The following ANO6 variants were observed in gnomAD, a reference collection of about 807,000 sequenced individuals.
The protein encoded by ANO6 is anoctamin-6.
In ANO6, 106 loss-of-function variants were observed where a neutral mutation model predicts 117.5. That is an observed-to-expected ratio of 0.90 (90% CI 0.77 to 1.06). ANO6 has a LOEUF of 1.06. Ranked by LOEUF, ANO6 falls within the 50% of genes least tolerant of loss-of-function variation. ANO6 has a pLI of 0.00. For missense variants in ANO6, 955 were observed against 1,121.1 expected, an observed-to-expected ratio of 0.85 and a Z score of 2.12; for synonymous variants, 367 against 385.1, an observed-to-expected ratio of 0.95 and a Z score of 0.55.
At chr12:45,291,878 A>G (rs1939112844) in intron 1 of ANO6, among the ~76,000 whole-genome samples, 1 of 152,176 alleles carries the variant, frequency 6.6e-6, no homozygotes, top group South Asian at 2.1e-4. Flanking sequence ...GGGACTGTAA[A>G]ATGGTGCAGG....
chr12:45,326,304 G>C (rs974910887), intron 2 of ANO6, among the ~76,000 whole-genome samples: 3 of 152,128 alleles, frequency 2.0e-5, no homozygotes, highest in African/African-American at 7.2e-5. Context: ...AAAATAACAA[G>C]TTCAGGACTA....
chr12:45,362,809 A>T, intron 8 of ANO6, among the ~76,000 whole-genome samples: 1 of 152,162 alleles, frequency 6.6e-6, no homozygotes. Flanking sequence ...TTTGGTACAG[A>T]TCTGTTCCTT....
At chr12:45,367,597 G>T (rs1593021064) in intron 8 of ANO6, 91 bp from the exon 9 acceptor site, 2 of 964,334 alleles carry the variant, frequency 2.1e-6, no homozygotes, top group East Asian at 2.6e-5. Context: ...TACAAGATCG[G>T]TTTAGTTTTG....
chr12:45,264,761 A>G (rs1938160314), intron 1 of ANO6, among the ~76,000 whole-genome samples: 1 of 152,212 alleles, frequency 6.6e-6, no homozygotes, highest in South Asian at 2.1e-4. Flanking sequence ...GTTTTGTATT[A>G]GACAAAGTGC....
rs114852477 is a variant in ANO6, at chr12:45,251,346, G to A, written c.70+34955G>A. Among the ~76,000 whole-genome samples the A allele has an allele frequency of 6.3e-3, 960 of 152,300 alleles. 7 individuals carry two copies. Among genetic ancestry groups the A allele is most frequent in the African/African-American group, 0.021 (882 of 41,548 alleles). On this transcript the variant is annotated intron_variant, in intron 1 of 19. Coordinates refer to ENST00000320560, the MANE Select transcript of ANO6 (RefSeq NM_001025356.3). ...ATGGCAAACTATACTAGAGCTTAGCGAATTAAGGCAACAGCCATTTTATTA... is the reference window on the plus strand; with the variant it reads ...ATGGCAAACTATACTAGAGCTTAGCAAATTAAGGCAACAGCCATTTTATTA...
chr12:45,426,315 C>A (rs1454314041), intron 19 of ANO6, among the ~76,000 whole-genome samples: 1 of 152,208 alleles, frequency 6.6e-6, no homozygotes, highest in African/African-American at 2.4e-5. Context: ...ACAGCATCAA[C>A]CTTTGTCGCT....
At chr12:45,292,526 T>A (rs1410594674) in intron 1 of ANO6, 1 of 442,478 alleles carries the variant, frequency 2.3e-6, no homozygotes, top group Non-Finnish European at 3.0e-6. Flanking sequence ...ACTAATGAAT[T>A]CACAGTGAAT....
rs529314144 is a variant in ANO6 at position 45,351,155 on chromosome 12, G to A, written c.863+381G>A. 7.9e-5 allele frequency among the ~76,000 whole-genome samples: 12 copies of A among 152,308 alleles called. No homozygotes were observed. The East Asian group carries it at 2.1e-3, about 27-fold the overall frequency. On this transcript the variant is annotated intron_variant, in intron 7 of 19. Transcript: ENST00000320560. Reference sequence around the variant, plus strand: ...TCAGGCGTAGTCCTAGGGTCCCACTGTGAATAAAAAGGCACTCCTATCTCT... The same window carrying A: ...TCAGGCGTAGTCCTAGGGTCCCACTATGAATAAAAAGGCACTCCTATCTCT...
At chr12:45,260,286 C>T (rs557773004) in intron 1 of ANO6, among the ~76,000 whole-genome samples, 1 of 152,322 alleles carries the variant, frequency 6.6e-6, no homozygotes, top group Admixed American at 6.5e-5. Flanking sequence ...CAGCTTCTTT[C>T]CTCCTTTGCC....
chr12:45,247,051 G>A (rs987215955), intron 1 of ANO6, among the ~76,000 whole-genome samples: 7 of 151,870 alleles, frequency 4.6e-5, no homozygotes, highest in Non-Finnish European at 8.8e-5. Flanking sequence ...TCACCCTCCC[G>A]AGTAGCTGGG....
At chr12:45,226,224 AT>A (rs1947480723) in intron 1 of ANO6, among the ~76,000 whole-genome samples, 1 of 152,256 alleles carries the variant, frequency 6.6e-6, no homozygotes, top group African/African-American at 2.4e-5. Context: ...TGCCATGGTA[AT>A]TATTATTGCC....
intron 15 of ANO6, among the ~76,000 whole-genome samples, chr12:45,405,593 T>C (rs2137643026): frequency 6.6e-6 from 1 of 152,304 alleles, no homozygotes; most frequent in Non-Finnish European, 1.5e-5. Context: ...TTCTTAACTT[T>C]TTTATACAAA....
At chr12:45,233,647 AT>A (rs1947606409) in intron 1 of ANO6, among the ~76,000 whole-genome samples, 1 of 152,204 alleles carries the variant, frequency 6.6e-6, no homozygotes, top group Non-Finnish European at 1.5e-5. Flanking sequence ...TTTGGTTAAC[AT>A]TGTAAAAGCA....
chr12:45,219,859 A>G (rs1947370265), intron 1 of ANO6, among the ~76,000 whole-genome samples: 1 of 152,150 alleles, frequency 6.6e-6, no homozygotes, highest in South Asian at 2.1e-4. Context: ...ACAACCAACC[A>G]CTGAAGCCAC....
At chr12:45,232,433 A>C (rs1226603588) in intron 1 of ANO6, among the ~76,000 whole-genome samples, 1 of 152,234 alleles carries the variant, frequency 6.6e-6, no homozygotes, top group Non-Finnish European at 1.5e-5. Flanking sequence ...CTGAACCAGG[A>C]TAGCTGAGAA....
At chr12:45,288,952 C>T (rs11182959) in intron 1 of ANO6, among the ~76,000 whole-genome samples, 8,944 of 151,428 alleles carry the variant, frequency 0.059, 854 homozygotes, top group African/African-American at 0.2. Flanking sequence ...AGGGTTTCAC[C>T]GTGTTAGCCA....
chr12:45,269,568 C>T (rs1471382018), intron 1 of ANO6, among the ~76,000 whole-genome samples: 1 of 152,176 alleles, frequency 6.6e-6, no homozygotes, highest in Non-Finnish European at 1.5e-5. Flanking sequence ...GTTTAGTTCA[C>T]CATTGCCTAA....
intron 1 of ANO6, among the ~76,000 whole-genome samples, chr12:45,222,858 C>T (rs964057780): frequency 4.6e-5 from 7 of 152,194 alleles, no homozygotes; most frequent in African/African-American, 1.7e-4. Flanking sequence ...ATCAGACAGG[C>T]CTTGCTGGGT....
At chr12:45,297,827 A>G (rs1472065999) in intron 1 of ANO6, among the ~76,000 whole-genome samples, 1 of 152,162 alleles carries the variant, frequency 6.6e-6, no homozygotes, top group African/African-American at 2.4e-5. Context: ...TCAATTATTC[A>G]ATGTTTACCT....
Sources: allele counts gnomAD v4.1 joint callset (sites outside exome capture counted in the v4.1 genomes callset), GRCh38; gene constraint gnomAD v4.1.1; transcripts MANE v1.5; gene names NCBI Gene and HGNC (gene_info 2026-07-23, HGNC 2026-07-21).